ANKRD54: variants seen among roughly 807,000 people sequenced by gnomAD.
ANKRD54 encodes ankyrin repeat domain-containing protein 54.
In ANKRD54, 26 loss-of-function variants were observed where a neutral mutation model predicts 36.2. The observed-to-expected ratio is 0.72, with a 90% CI of 0.53 to 1.00. The LOEUF (loss-of-function observed/expected upper bound fraction) is 1.00. Ranked by LOEUF, ANKRD54 falls within the 50% of genes least tolerant of loss-of-function variation. ANKRD54 has a pLI of 0.00. For synonymous variants in ANKRD54, 209 were observed against 188.4 expected, an observed-to-expected ratio of 1.11 and a Z score of -0.89; for missense variants, 384 against 424.3, an observed-to-expected ratio of 0.91 and a Z score of 0.83.
intron 3 of ANKRD54, chr22:37,834,044 TGAAG>T (rs928978596): frequency 1.6e-5 from 6 of 371,682 alleles, no homozygotes; most frequent in African/African-American, 4.0e-5. Flanking sequence ...CTGCTCCTGG[TGAAG>T]GCTGTCCAGG....
chr22:37,833,590 T>C (rs1224719583), intron 4 of ANKRD54, 94 bp downstream of exon 4: 1 of 1,359,468 alleles, frequency 7.4e-7, no homozygotes, highest in Non-Finnish European at 1.0e-6. Context: ...ACACTCACAG[T>C]TTCTGCCAGG....
At chr22:37,847,353 G>T (rs1338588151), upstream of ANKRD54, among the ~76,000 whole-genome samples, 1 of 151,644 alleles carries the variant, frequency 6.6e-6, no homozygotes, top group Non-Finnish European at 1.5e-5. Flanking sequence ...GTAGAGACGG[G>T]GTTTCACTAT....
chr22:37,846,006 C>A (rs547872770), upstream of ANKRD54, among the ~76,000 whole-genome samples: 1 of 152,080 alleles, frequency 6.6e-6, no homozygotes, highest in Non-Finnish European at 1.5e-5. Context: ...AACCCCGTCT[C>A]TACTAAAAAT....
Position 37,832,621 on chromosome 22 carries a change from T to C in ANKRD54, c.828+16A>G. On this transcript the variant is annotated intron_variant, in intron 7 of 7. Coordinates refer to ENST00000215941, the MANE Select transcript of ANKRD54 (RefSeq NM_138797.4). ...TCCTGCCAGGCCCTGGGTCTGGGCC[T>C]GTGGCTGCAGCTCACCTGCTCTTTG... is the stretch of plus-strand genomic sequence containing the variant. The C allele has an allele frequency of 6.2e-7, 1 of 1,613,018 alleles. No homozygotes were observed. Among genetic ancestry groups the C allele is most frequent in the Non-Finnish European group, 8.5e-7 (1 of 1,179,354 alleles).
chr22:37,844,055 G>A lies in ANKRD54; in HGVS notation c.184C>T (p.Gln62Ter). 7.0e-7 allele frequency: 1 copy of A among 1,434,054 alleles called. No homozygotes were observed. The allele number at this position is 1,434,054 out of a possible 1,614,324, so 88.8% of individuals were successfully genotyped here. Residue 62 changes from glutamine to a stop codon, truncating the protein, a stop_gained, in exon 1 of 8, where the codon CAG becomes TAG. Coordinates refer to ENST00000215941, the MANE Select transcript of ANKRD54 (RefSeq NM_138797.4). LOFTEE classifies it high-confidence loss of function. ...GLSGRASGGA[Q>*]SPLRYLHVLW... ...ACGTGCAAGTAGCGCAGCGGCGACT[G>A]GGCCCCGCCGGACGCCCGGCCCGAG...
chr22:37,839,865 A>T (rs555749941), intron 2 of ANKRD54, among the ~76,000 whole-genome samples: 5 of 152,154 alleles, frequency 3.3e-5, no homozygotes, highest in African/African-American at 1.2e-4. Flanking sequence ...ACAAGTTCCA[A>T]AGTTAGTGCC....
At position 37,844,143 on chromosome 22, in the gene ANKRD54, G is replaced by C. The variant is rs754400108; in HGVS notation, c.96C>G (p.Asp32Glu). Residue 32 changes from aspartate (D) to glutamate (E), a missense_variant, in exon 1 of 8, where the codon GAC becomes GAG. By Grantham distance (45) the Asp-to-Glu change is conservative. Transcript: ENST00000215941. ...CAGCGAAGGAGAAGAGGCCCTCAGC[G>C]TCAGTCAGCGGCTCCGGCGCCACCG... ...ECAVAPEPLT[D>E]AEGLFSFADF... The C allele has an allele frequency of 1.1e-5, 17 of 1,496,862 alleles. No individual in the cohort carries two copies. Among genetic ancestry groups the C allele is most frequent in the Non-Finnish European group, 1.5e-5 (17 of 1,130,352 alleles). The allele number at this position is 1,496,862 out of a possible 1,614,324, so 92.7% of individuals were successfully genotyped here. A position where few individuals can be genotyped will look rare whatever the true frequency, so the allele number is the denominator to read the frequency against.
chr22:37,836,447 CAAAAAAAAAAA>C (rs760828902), intron 3 of ANKRD54, among the ~76,000 whole-genome samples: 1 of 22,638 alleles, frequency 4.4e-5, no homozygotes, highest in Admixed American at 4.7e-4. Context: ...AACTCTGTCT[CAAAAAAAAAAA>C]AAAAAAAAAA....
At chr22:37,839,302 T>C (rs894671528) in intron 2 of ANKRD54, among the ~76,000 whole-genome samples, 5 of 152,344 alleles carry the variant, frequency 3.3e-5, no homozygotes, top group Admixed American at 1.3e-4. Flanking sequence ...TTCATCAAAA[T>C]ATTAACAGAT....
chr22:37,831,314 G>A lies in ANKRD54; in HGVS notation c.*629C>T, dbSNP rs1922847896. 1 of 152,302 alleles carries A rather than the reference G, an allele frequency of 6.6e-6. No homozygotes were observed. Among genetic ancestry groups the A allele is most frequent in the African/African-American group, 2.4e-5 (1 of 41,420 alleles). The allele number at this position is 152,302 out of a possible 1,614,324, so 9.4% of individuals were successfully genotyped here. On this transcript the variant is annotated 3_prime_UTR_variant, in exon 8 of 8. Coordinates refer to ENST00000215941, the MANE Select transcript of ANKRD54 (RefSeq NM_138797.4). The stretch of plus-strand genomic sequence containing the variant: ...TTACACCCTCCGGTATAATAGTTTT[G>A]GTGTTTCAATGACTGGGAGGAAAAG...
intron 3 of ANKRD54, among the ~76,000 whole-genome samples, chr22:37,836,670 G>A (rs1045703689): frequency 3.3e-5 from 5 of 151,552 alleles, no homozygotes; most frequent in Admixed American, 6.6e-5. Context: ...AAACCACCAC[G>A]GCACAGGTGT....
chr22:37,842,202 G>A (rs905269369), intron 1 of ANKRD54, among the ~76,000 whole-genome samples: 2 of 152,078 alleles, frequency 1.3e-5, no homozygotes, highest in Non-Finnish European at 2.9e-5. Context: ...GCAGTGAGCC[G>A]AGATTGCACC....
intron 3 of ANKRD54, among the ~76,000 whole-genome samples, chr22:37,837,286 C>T (rs1263751316): frequency 6.6e-6 from 1 of 152,060 alleles, no homozygotes; most frequent in Non-Finnish European, 1.5e-5. Context: ...ACCCTAGTGA[C>T]CCAACAATGC....
intron 3 of ANKRD54, among the ~76,000 whole-genome samples, chr22:37,837,410 G>A (rs895045295): frequency 5.3e-5 from 8 of 152,204 alleles, no homozygotes; most frequent in Non-Finnish European, 1.2e-4. Context: ...ACAAATGTCC[G>A]TCAATAGTAG....
chr22:37,844,334 T>A lies in ANKRD54; in HGVS notation c.-96A>T. The A allele has an allele frequency of 7.1e-7, 1 of 1,402,834 alleles. No homozygotes were observed. The highest frequency in any genetic ancestry group is 9.5e-7 in the Non-Finnish European group (1 of 1,058,120). 86.9% of individuals were successfully genotyped at this position (1,402,834 alleles called of 1,614,324 possible). ...GCCCTGAGTCGTGCTGTCAGCGAGC[T>A]GGCGGGCGGGCAGGGCCCGCAACCA... On this transcript the variant is annotated 5_prime_UTR_variant, in exon 1 of 8. Coordinates refer to ENST00000215941, the MANE Select transcript of ANKRD54 (RefSeq NM_138797.4).
chr22:37,833,714 C>T lies in ANKRD54; in HGVS notation c.517G>A (p.Asp173Asn). The T allele has an allele frequency of 1.2e-6, 2 of 1,614,180 alleles. No individual in the cohort carries two copies. The highest frequency in any genetic ancestry group is 1.7e-6 in the Non-Finnish European group (2 of 1,180,026). The change falls in exon 4 of 8, where the codon GAT becomes AAT. Residue 173 changes from aspartate (D) to asparagine (N), a missense_variant. By Grantham distance (23) the Asp-to-Asn change is conservative. Coordinates refer to ENST00000215941, the MANE Select transcript of ANKRD54 (RefSeq NM_138797.4). ...LDHGADPNQR[D>N]GLGNTPLHLA... ...TGCAGTGGCGTGTTCCCCAGCCCAT[C>T]TCGCTGGTTAGGATCAGCACCATGG... is the stretch of plus-strand genomic sequence containing the variant.
chr22:37,839,591 G>A (rs1314044241), intron 2 of ANKRD54, among the ~76,000 whole-genome samples: 1 of 152,048 alleles, frequency 6.6e-6, no homozygotes, highest in Non-Finnish European at 1.5e-5. Context: ...GTTTCACAGT[G>A]TTAGCCAGGA....
chr22:37,838,627 G>T (rs372599093), intron 2 of ANKRD54, 29 bp from the exon 3 acceptor site: 3 of 1,594,224 alleles, frequency 1.9e-6, no homozygotes, highest in South Asian at 1.1e-5. Context: ...AGGGAGGAAG[G>T]GGGAGAAAGC....
chr22:37,847,850 C>G, upstream of ANKRD54: 1 of 374,050 alleles, frequency 2.7e-6, no homozygotes. Flanking sequence ...AACAAGAACG[C>G]AGCATAGGGA....
Sources: allele counts gnomAD v4.1 joint callset (sites outside exome capture counted in the v4.1 genomes callset), GRCh38; gene constraint gnomAD v4.1.1; transcripts MANE v1.5; gene names NCBI Gene and HGNC (gene_info 2026-07-23, HGNC 2026-07-21).